The following DSCAM variants were observed in gnomAD, a reference collection of about 807,000 sequenced individuals.
DSCAM encodes the protein DS cell adhesion molecule, also known as cell adhesion molecule DSCAM.
DSCAM carries 47 observed loss-of-function variants against 217.7 expected under a neutral mutation model. The observed-to-expected ratio is 0.22, with a 90% confidence interval of 0.17 to 0.28. DSCAM has a LOEUF of 0.28. DSCAM is among the 10% of genes least tolerant of loss of function. DSCAM has a pLI of 1.00. For synonymous variants in DSCAM, 1,056 were observed against 1,015.3 expected (o/e 1.04, Z -0.76); for missense variants, 2,080 against 2,618.3 (o/e 0.79, Z 4.49).
At chr21:40,676,674 A>G (rs545236642) in intron 3 of DSCAM, among the ~76,000 whole-genome samples, 29 of 152,314 alleles carry the variant, frequency 1.9e-4, no homozygotes, top group African/African-American at 6.5e-4. Context: ...ACTGACATGG[A>G]AAGTTCGAAC....
chr21:40,288,354 C>G (rs565348008), intron 10 of DSCAM, among the ~76,000 whole-genome samples: 4 of 152,238 alleles, frequency 2.6e-5, no homozygotes, highest in African/African-American at 9.6e-5. Context: ...GCATTCTTCA[C>G]GTTAAGCTTT....
intron 3 of DSCAM, among the ~76,000 whole-genome samples, chr21:40,493,452 T>C (rs2076091939): frequency 1.3e-5 from 2 of 152,196 alleles, no homozygotes; most frequent in African/African-American, 4.8e-5. Context: ...TGGTAGTATG[T>C]AAATTGCTTA....
At chr21:40,468,881 A>G (rs945539634) in intron 3 of DSCAM, among the ~76,000 whole-genome samples, 9 of 152,212 alleles carry the variant, frequency 5.9e-5, no homozygotes, top group Non-Finnish European at 1.0e-4. Flanking sequence ...CTGTTTGAAC[A>G]GTAGAAATTC....
intron 3 of DSCAM, among the ~76,000 whole-genome samples, chr21:40,616,005 CACAT>C (rs10601432): frequency 2.6e-4 from 39 of 151,886 alleles, no homozygotes; most frequent in Middle Eastern, 3.4e-3. Context: ...CACACACACA[CACAT>C]GCATACAAGA....
intron 11 of DSCAM, among the ~76,000 whole-genome samples, chr21:40,210,029 A>G (rs546472120): frequency 1.1e-4 from 16 of 151,888 alleles, no homozygotes; most frequent in African/African-American, 2.9e-4. Context: ...TTACCCACTA[A>G]CTCCTTCTTT....
At chr21:40,505,577 A>T (rs2076203862) in intron 3 of DSCAM, among the ~76,000 whole-genome samples, 1 of 152,220 alleles carries the variant, frequency 6.6e-6, no homozygotes, top group Non-Finnish European at 1.5e-5. Context: ...AAAGGTAAAT[A>T]CTATAATGAA....
chr21:40,065,647 C>T (rs1323595569), intron 27 of DSCAM, among the ~76,000 whole-genome samples: 8 of 152,186 alleles, frequency 5.3e-5, no homozygotes, highest in Non-Finnish European at 5.9e-5. Flanking sequence ...TCCTTCCTCT[C>T]CTCCCAGTAC....
intron 32 of DSCAM, among the ~76,000 whole-genome samples, chr21:40,026,420 G>A (rs1208454299): frequency 2.9e-5 from 4 of 139,946 alleles, no homozygotes; most frequent in African/African-American, 1.1e-4. Context: ...CAATTCCTGG[G>A]TATCCTTGTT....
At chr21:40,410,240 G>A (rs912664803) in intron 3 of DSCAM, among the ~76,000 whole-genome samples, 2 of 152,050 alleles carry the variant, frequency 1.3e-5, no homozygotes, top group Non-Finnish European at 2.9e-5. Flanking sequence ...GGGATTAATA[G>A]GAAGTTGGGC....
intron 9 of DSCAM, among the ~76,000 whole-genome samples, chr21:40,297,789 T>G (rs1286818971): frequency 1.3e-5 from 2 of 152,214 alleles, no homozygotes; most frequent in Admixed American, 1.3e-4. Context: ...TGTAGAATGA[T>G]TTACACATGA....
chr21:40,498,513 A>C (rs1465805497), intron 3 of DSCAM, among the ~76,000 whole-genome samples: 1 of 151,412 alleles, frequency 6.6e-6, no homozygotes, highest in Non-Finnish European at 1.5e-5. Context: ...AAGATTATAA[A>C]AACAGCTGCC....
intron 23 of DSCAM, among the ~76,000 whole-genome samples, chr21:40,084,210 TA>T (rs957340970): frequency 1.3e-5 from 2 of 151,706 alleles, no homozygotes; most frequent in South Asian, 2.1e-4. Context: ...ATCTATTATT[TA>T]AAAAAAAATT....
At chr21:40,214,735 C>CAAAAAAAAAAAAAAAAAAA (rs1209648217) in intron 11 of DSCAM, among the ~76,000 whole-genome samples, 5 of 67,854 alleles carry the variant, frequency 7.4e-5, no homozygotes, top group East Asian at 4.9e-4. Flanking sequence ...GCAACAACAG[C>CAAAAAAAAAAAAAAAAAAA]AAAAAAAAAA....
intron 2 of DSCAM, among the ~76,000 whole-genome samples, chr21:40,698,642 G>A (rs1162166153): frequency 6.6e-6 from 1 of 152,080 alleles, no homozygotes; most frequent in Non-Finnish European, 1.5e-5. Flanking sequence ...GGCCGAGGTG[G>A]GCAGATCACC....
At chr21:40,086,393 C>T (rs1048425758) in intron 22 of DSCAM, among the ~76,000 whole-genome samples, 5 of 152,288 alleles carry the variant, frequency 3.3e-5, no homozygotes, top group African/African-American at 9.6e-5. Flanking sequence ...TTTGGATGAA[C>T]CAACTTTAAA....
At chr21:40,367,171 T>C (rs2074842283) in intron 4 of DSCAM, among the ~76,000 whole-genome samples, 1 of 152,172 alleles carries the variant, frequency 6.6e-6, no homozygotes, top group Admixed American at 6.5e-5. Context: ...TGCAGTTCTA[T>C]CCCAGTGTTG....
At position 40,720,602 on chromosome 21, in the gene DSCAM, A is replaced by G. The variant is rs1021688589; in HGVS notation, c.44-11831T>C. Among the ~76,000 whole-genome samples the G allele has an allele frequency of 5.9e-5, 9 of 152,308 alleles. No homozygotes were observed. The South Asian group carries it at 1.0e-3, about 18-fold the overall frequency. On this transcript the variant is annotated intron_variant, in intron 1 of 32. Coordinates refer to ENST00000400454, the MANE Select transcript of DSCAM (RefSeq NM_001389.5). ...TGAAATTCTGTCTCTGTCCATCATAAAACAACAAACAAAAACACAGAAACA... is the reference window on the plus strand; with the variant it reads ...TGAAATTCTGTCTCTGTCCATCATAGAACAACAAACAAAAACACAGAAACA...
rs141923347 is a variant in DSCAM at position 40,652,131 on chromosome 21, C to T, written c.508+40679G>A. 2.5e-3 allele frequency among the ~76,000 whole-genome samples: 352 copies of T among 141,098 alleles called. 7 individuals carry two copies. The East Asian group carries it at 0.052, about 21-fold the overall frequency. The allele number at this position is 141,098 out of a possible 152,430, so 92.6% of individuals were successfully genotyped here. The stretch of plus-strand genomic sequence containing the variant: ...GAACACATGGACACATGGAGGGGAA[C>T]AACACACACTGGGGCCTGTTGAAGG... On this transcript the variant is annotated intron_variant, in intron 3 of 32. Transcript: ENST00000400454.
chr21:40,177,159 A>T lies in DSCAM; in HGVS notation c.2947+1768T>A, dbSNP rs189535626. Among the ~76,000 whole-genome samples, 236 of 152,340 alleles carry T rather than the reference A, an allele frequency of 1.5e-3. 2 individuals are homozygous for T. The highest frequency in any genetic ancestry group is 5.4e-3 in the African/African-American group (226 of 41,572). On this transcript the variant is annotated intron_variant, in intron 15 of 32. Coordinates refer to ENST00000400454, the MANE Select transcript of DSCAM (RefSeq NM_001389.5). ...TACCCAGCATAATGAAATCTCAGGGATCTGAGGAAGTTAGTGGGTTGTTTA... is the reference window on the plus strand; with the variant it reads ...TACCCAGCATAATGAAATCTCAGGGTTCTGAGGAAGTTAGTGGGTTGTTTA...
Sources: allele counts gnomAD v4.1 joint callset (sites outside exome capture counted in the v4.1 genomes callset), GRCh38; gene constraint gnomAD v4.1.1; transcripts MANE v1.5; gene names NCBI Gene and HGNC (gene_info 2026-07-23, HGNC 2026-07-21).